WDR26: variants seen among roughly 807,000 people sequenced by gnomAD.
WDR26 encodes WD repeat-containing protein 26.
In WDR26, 5 loss-of-function variants were observed where a neutral mutation model predicts 84.1. The observed-to-expected ratio is 0.06, with a 90% confidence interval of 0.03 to 0.13. The LOEUF is 0.13. WDR26 is among the 10% of genes least tolerant of loss of function. WDR26 has a pLI of 1.00. For missense variants in WDR26, 642 were observed against 974.9 expected (o/e 0.66, Z 4.55); for synonymous variants, 415 against 389.6 (o/e 1.07, Z -0.77).
In WDR26 at chr1:224,433,789, G is replaced by T. The variant is rs1312904919; in HGVS notation, c.617C>A (p.Ala206Asp). The T allele has an allele frequency of 2.0e-6, 3 of 1,536,992 alleles. No individual in the cohort carries two copies. The highest frequency in any genetic ancestry group is 1.7e-6 in the Non-Finnish European group (2 of 1,146,800). ...GAGGCTGCTGCCCAGTTCTGGGGTG[G>T]CCAAGGAAGAGGAGGCGGCGGTGGT... Residue 206 changes from alanine to aspartate, a missense_variant, in exon 1 of 14, where the codon GCC becomes GAC. By Grantham distance (126) the Ala-to-Asp change is moderately radical. Coordinates refer to ENST00000414423, the MANE Select transcript of WDR26 (RefSeq NM_001379403.1).
chr1:224,411,621 T>A, intron 6 of WDR26, 56 bp from the exon 7 acceptor site: 2 of 1,469,564 alleles, frequency 1.4e-6, no homozygotes, highest in Non-Finnish European at 9.0e-7. Flanking sequence ...GTAATAATAA[T>A]AAAAAAGGTT....
At chr1:224,419,456 A>T in intron 5 of WDR26, 62 bp downstream of exon 5, 1 of 1,241,284 alleles carries the variant, frequency 8.1e-7, no homozygotes, top group Non-Finnish European at 1.2e-6. Flanking sequence ...TTCCTAATTG[A>T]TCACTGTATC....
At chr1:224,402,149 G>A (rs1673437889) in intron 8 of WDR26, 1 of 152,116 alleles carries the variant, frequency 6.6e-6, no homozygotes, top group South Asian at 2.1e-4. Flanking sequence ...ATAAAAGAGT[G>A]AAAACAAAGG....
At chr1:224,395,315 C>G (rs1312715801) in intron 12 of WDR26, among the ~76,000 whole-genome samples, 1 of 152,028 alleles carries the variant, frequency 6.6e-6, no homozygotes, top group Non-Finnish European at 1.5e-5. Flanking sequence ...GGGCAGAATC[C>G]CAGGGCAAAT....
At position 224,401,702 on chromosome 1, in the gene WDR26, G is replaced by GAAAAA. The variant is rs5781368; in HGVS notation, c.1600-638_1600-634dup. ...AAAAAAAAAAAAAGAAAAAAAAAAAGAAAAAAGAAAAAAAAAGAGAAAAAC... is the reference window on the plus strand; with the variant it reads ...AAAAAAAAAAAAAGAAAAAAAAAAAGAAAAAAAAAAAGAAAAAAAAAGAGAAAAAC... On this transcript the variant is annotated intron_variant, in intron 8 of 13. Coordinates refer to ENST00000414423, the MANE Select transcript of WDR26 (RefSeq NM_001379403.1). Among the ~76,000 whole-genome samples, 22 of 97,790 alleles carry GAAAAA rather than the reference G, an allele frequency of 2.2e-4. 1 individual carries two copies. The highest frequency in any genetic ancestry group is 8.9e-4 in the African/African-American group (22 of 24,814). The allele number at this position is 97,790 out of a possible 152,430, so 64.2% of individuals were successfully genotyped here.
intron 9 of WDR26, among the ~76,000 whole-genome samples, chr1:224,400,088 A>G (rs1673369979): frequency 6.6e-6 from 1 of 152,200 alleles, no homozygotes; most frequent in South Asian, 2.1e-4. Context: ...ATGGCAAGGT[A>G]AACAATGATT....
chr1:224,430,219 ATGTTT>A (rs1674352632), intron 3 of WDR26: 1 of 152,170 alleles, frequency 6.6e-6, no homozygotes, highest in Non-Finnish European at 1.5e-5. Context: ...TTGAATATAG[ATGTTT>A]AACTATTTTA....
At chr1:224,391,445 T>C (rs907961150) in intron 13 of WDR26, among the ~76,000 whole-genome samples, 2 of 152,076 alleles carry the variant, frequency 1.3e-5, no homozygotes, top group Non-Finnish European at 2.9e-5. Flanking sequence ...ATAATTCTAC[T>C]GTTAAAATTT....
At chr1:224,429,934 G>C (rs1013792720) in intron 3 of WDR26, 8 of 152,062 alleles carry the variant, frequency 5.3e-5, no homozygotes, top group Admixed American at 3.9e-4. Context: ...ATATAATTTG[G>C]GCGAAGCTTA....
At chr1:224,407,681 T>C (rs1335797061) in intron 7 of WDR26, among the ~76,000 whole-genome samples, 1 of 151,780 alleles carries the variant, frequency 6.6e-6, no homozygotes, top group African/African-American at 2.4e-5. Context: ...ACTAATTTTT[T>C]TTATTTTTAC....
chr1:224,429,883 T>A (rs991432979), intron 3 of WDR26: 1 of 152,132 alleles, frequency 6.6e-6, no homozygotes, highest in African/African-American at 2.4e-5. Flanking sequence ...AAGAAAAAAA[T>A]AGGAAGTAAG....
chr1:224,415,908 C>T lies in WDR26; in HGVS notation c.1319+2352G>A, dbSNP rs533657595. Among the ~76,000 whole-genome samples, 4 of 152,300 alleles carry T rather than the reference C, an allele frequency of 2.6e-5. No individual in the cohort carries two copies. In the East Asian group the frequency reaches 7.7e-4, roughly 29 times the overall value. ...TGCTATAGTAAGGTGAAGATATAGG[C>T]TGGAAAATATCCACTGAATGTGAAA... On this transcript the variant is annotated intron_variant, in intron 6 of 13. Coordinates refer to ENST00000414423, the MANE Select transcript of WDR26 (RefSeq NM_001379403.1).
At position 224,401,408 on chromosome 1, in the gene WDR26, T is replaced by C. The variant is rs538426502; in HGVS notation, c.1600-339A>G. On this transcript the variant is annotated intron_variant, in intron 8 of 13. Transcript: ENST00000414423. ...AGATAATGAAAAGCCCAAGACTACA[T>C]ACCTATTCCTTCTGAGCTTCCACTT... Among the ~76,000 whole-genome samples the C allele has an allele frequency of 3.0e-4, 46 of 152,236 alleles. No individual in the cohort carries two copies. The South Asian group carries it at 3.7e-3, about 12-fold the overall frequency.
At chr1:224,398,471 T>A (rs746012712) in intron 11 of WDR26, 44 bp downstream of exon 11, 25 of 1,522,092 alleles carry the variant, frequency 1.6e-5, no homozygotes, top group Admixed American at 2.2e-5. Flanking sequence ...AAATAAAACT[T>A]GTACTAAGCC....
Position 224,433,677 on chromosome 1 carries a change from T to C in WDR26, c.722+7A>G. 7.2e-7 allele frequency: 1 copy of C among 1,394,052 alleles called. No individual in the cohort carries two copies. The highest frequency in any genetic ancestry group is 9.4e-7 in the Non-Finnish European group (1 of 1,062,186). 86.4% of individuals were successfully genotyped at this position (1,394,052 alleles called of 1,614,324 possible). On this transcript the variant is annotated splice_region_variant and intron_variant, in intron 1 of 13. Coordinates refer to ENST00000414423, the MANE Select transcript of WDR26 (RefSeq NM_001379403.1). ...TCCATCACCAGCTGGCGGTAAGGGA[T>C]ACTTACTTGAGCCCTAAGCCATTCA...
rs374547737 is a variant in WDR26 at position 224,394,023 on chromosome 1, T to C, written c.2075-10A>G. 7.0e-5 allele frequency: 101 copies of C among 1,436,318 alleles called. No individual in the cohort carries two copies. The highest frequency in any genetic ancestry group is 3.7e-4 in the Middle Eastern group (2 of 5,336). 89.0% of individuals were successfully genotyped at this position (1,436,318 alleles called of 1,614,324 possible). A position where few individuals can be genotyped will look rare whatever the true frequency, so the allele number is the denominator to read the frequency against. On this transcript the variant is annotated splice_polypyrimidine_tract_variant and intron_variant, in intron 12 of 13. Transcript: ENST00000414423. ...ATGTAAACCTTGTGATCTGAACATATAGTAATTCAGAAAAAAGTTTTACAT... is the reference window on the plus strand; with the variant it reads ...ATGTAAACCTTGTGATCTGAACATACAGTAATTCAGAAAAAAGTTTTACAT...
chr1:224,411,340 A>G, intron 7 of WDR26, 87 bp downstream of exon 7: 2 of 1,369,632 alleles, frequency 1.5e-6, no homozygotes, highest in Non-Finnish European at 1.9e-6. Context: ...TACTATTGAT[A>G]CATATATACT....
At chr1:224,394,355 A>C (rs1673202401) in intron 12 of WDR26, among the ~76,000 whole-genome samples, 1 of 152,252 alleles carries the variant, frequency 6.6e-6, no homozygotes, top group South Asian at 2.1e-4. Context: ...GAAGTGACAG[A>C]AAAGCAATGT....
rs151192141 is a variant in WDR26, at chr1:224,419,543, T to G, written c.1137A>C (p.Arg379=). 2.4e-5 allele frequency: 38 copies of G among 1,613,852 alleles called. No individual in the cohort carries two copies. The highest frequency in any genetic ancestry group is 1.1e-4 in the African/African-American group (8 of 74,932). ...TCTGAAGTTTATCCAATAGTTTAGA[T>G]CGGGAAGCTGTCCCTTTGCCTTCCC... The change falls in exon 5 of 14, where the codon CGA becomes CGC. Residue 379 remains arginine (R), a synonymous_variant. Transcript: ENST00000414423.
Sources: gnomAD v4.1 joint callset for allele counts (sites outside exome capture counted in the v4.1 genomes callset) on GRCh38, gnomAD v4.1.1 for gene constraint, MANE v1.5 for transcripts, NCBI Gene and HGNC (gene_info 2026-07-23, HGNC 2026-07-21) for gene names.